SLC6A20: variants seen among roughly 807,000 people sequenced by gnomAD.
SLC6A20 encodes sodium- and chloride-dependent transporter XTRP3.
A neutral mutation model predicts 64.3 loss-of-function variants in SLC6A20; 73 were observed. The observed-to-expected ratio is 1.14, with a 90% CI of 0.94 to 1.38. The LOEUF is 1.38. SLC6A20 is among the 40% of genes most tolerant of loss of function. The probability of loss-of-function intolerance (pLI) is 0.00; values close to 1 mark genes in which losing one functional copy is unlikely to be tolerated. For missense variants in SLC6A20, 725 were observed against 772.8 expected (o/e 0.94, Z 0.73); for synonymous variants, 347 against 329.6 (o/e 1.05, Z -0.57).
chr3:45,778,340 G>A (rs995837232), intron 3 of SLC6A20, among the ~76,000 whole-genome samples: 2 of 152,212 alleles, frequency 1.3e-5, no homozygotes, highest in East Asian at 3.9e-4. Flanking sequence ...AAAGTGCTGG[G>A]ACCTATGTCT....
At chr3:45,777,387 C>T (rs990980272) in intron 3 of SLC6A20, among the ~76,000 whole-genome samples, 17 of 152,146 alleles carry the variant, frequency 1.1e-4, no homozygotes, top group African/African-American at 4.1e-4. Context: ...TGACCCATAT[C>T]GTGTTCAAAG....
At chr3:45,775,506 T>C (rs1699949843) in intron 4 of SLC6A20, among the ~76,000 whole-genome samples, 1 of 151,938 alleles carries the variant, frequency 6.6e-6, no homozygotes, top group South Asian at 2.1e-4. Context: ...CAGAAAAACT[T>C]TTTTTTTCTA....
chr3:45,768,556 C>A (rs541213910), intron 7 of SLC6A20, among the ~76,000 whole-genome samples: 17 of 152,040 alleles, frequency 1.1e-4, no homozygotes, highest in Middle Eastern at 3.4e-3. Flanking sequence ...GGGCTGGGGT[C>A]TGATGCCTGC....
chr3:45,782,150 C>G lies in SLC6A20; in HGVS notation c.195G>C (p.Val65=). The stretch of plus-strand genomic sequence containing the variant: ...TGCTGCCCTGCCGCATGCGCTGCCC[C>G]ACAGCCAGTTCCAGGTACAAGAGCG... ...GMPLLYLELA[V]GQRMRQGSIG... is the part of the protein sequence containing the mutation. Residue 65 remains valine (V), a synonymous_variant, in exon 2 of 11, where the codon GTG becomes GTC. Coordinates refer to ENST00000358525, the MANE Select transcript of SLC6A20 (RefSeq NM_020208.4). 1 of 1,613,858 alleles carries G rather than the reference C, an allele frequency of 6.2e-7. No individual in the cohort carries two copies. Among genetic ancestry groups the G allele is most frequent in the Non-Finnish European group, 8.5e-7 (1 of 1,179,920 alleles).
At chr3:45,787,477 C>A (rs990328426) in intron 1 of SLC6A20, among the ~76,000 whole-genome samples, 1 of 152,134 alleles carries the variant, frequency 6.6e-6, no homozygotes, top group African/African-American at 2.4e-5. Context: ...TTGGTGTCTG[C>A]CTCTCTACTA....
chr3:45,764,319 C>T (rs74579471), intron 8 of SLC6A20, among the ~76,000 whole-genome samples: 174 of 152,238 alleles, frequency 1.1e-3, no homozygotes, highest in African/African-American at 3.9e-3. Flanking sequence ...GATCGCTGCT[C>T]GAAACAACAT....
intron 7 of SLC6A20, among the ~76,000 whole-genome samples, chr3:45,769,511 T>C (rs1168893246): frequency 1.3e-5 from 2 of 150,436 alleles, no homozygotes; most frequent in Admixed American, 1.3e-4. Flanking sequence ...AGTAAGGGAA[T>C]GGATAAATAA....
At chr3:45,771,625 C>T (rs1699869996) in intron 5 of SLC6A20, 167 bp from the exon 6 acceptor site, 1 of 1,066,112 alleles carries the variant, frequency 9.4e-7, no homozygotes, top group African/African-American at 1.6e-5. Context: ...CATCCACTCC[C>T]TGGCAGATGA....
chr3:45,795,827 A>T (rs1164485106), intron 1 of SLC6A20, among the ~76,000 whole-genome samples: 2 of 152,340 alleles, frequency 1.3e-5, no homozygotes, highest in South Asian at 2.1e-4. Flanking sequence ...ATTTAAAGAA[A>T]TGGCTCAAGA....
rs1699768061 is a variant in SLC6A20 at position 45,765,812 on chromosome 3, A to G, written c.1099-71T>C. The G allele has an allele frequency of 1.9e-6, 3 of 1,543,246 alleles. No homozygotes were observed. The highest frequency in any genetic ancestry group is 8.9e-7 in the Non-Finnish European group (1 of 1,123,510). ...AGTCTTATTCACGCACTCAGTACTA[A>G]GCAACATGGGGGACCTTGGAAGTGG... On this transcript the variant is annotated intron_variant, in intron 7 of 10. Transcript: ENST00000358525. The surrounding 1 kb of genome is among the most constrained non-coding windows in gnomAD (Gnocchi z 4.2).
chr3:45,759,945 G>C lies in SLC6A20; in HGVS notation c.1541C>G (p.Pro514Arg). The C allele has an allele frequency of 6.2e-7, 1 of 1,614,162 alleles. No homozygotes were observed. Among genetic ancestry groups the C allele is most frequent in the Non-Finnish European group, 8.5e-7 (1 of 1,180,026 alleles). The change falls in exon 10 of 11, where the codon CCA (proline) becomes CGA (arginine). Residue 514 changes from proline (P) to arginine (R), a missense_variant. Pro to Arg is a moderately radical substitution (Grantham distance 103). Coordinates refer to ENST00000358525, the MANE Select transcript of SLC6A20 (RefSeq NM_020208.4). ...YWKVMWAGVSPLLIVSLFVFY... is the reference protein window; with the variant it reads ...YWKVMWAGVSRLLIVSLFVFY... Reference sequence around the variant, plus strand: ...GACAAAGAGGCTGACAATCAGCAGTGGGCTTACGCCAGCCCACATCACCTT... The same window carrying C: ...GACAAAGAGGCTGACAATCAGCAGTCGGCTTACGCCAGCCCACATCACCTT...
In SLC6A20 at chr3:45,796,252, G is replaced by T. The variant is rs769555588; in HGVS notation, c.121+47C>A. ...TAACCCCGGCTCGCACACACGGCGG[G>T]GACGCGCACAGAGTTGGGCTGGGGC... is the stretch of plus-strand genomic sequence containing the variant. On this transcript the variant is annotated intron_variant, in intron 1 of 10. Coordinates refer to ENST00000358525, the MANE Select transcript of SLC6A20 (RefSeq NM_020208.4). The T allele has an allele frequency of 9.0e-6, 14 of 1,562,854 alleles. No homozygotes were observed. In the South Asian group the frequency reaches 1.5e-4, roughly 17 times the overall value.
At chr3:45,787,728 A>C (rs1294684224) in intron 1 of SLC6A20, among the ~76,000 whole-genome samples, 1 of 151,842 alleles carries the variant, frequency 6.6e-6, no homozygotes, top group African/African-American at 2.4e-5. Flanking sequence ...CTCTGTCCAC[A>C]CCTCCAACTC....
At chr3:45,760,320 G>A (rs1047222170) in intron 9 of SLC6A20, among the ~76,000 whole-genome samples, 1 of 152,236 alleles carries the variant, frequency 6.6e-6, no homozygotes, top group Non-Finnish European at 1.5e-5. Flanking sequence ...ATAGCCCAGA[G>A]GGCAGCCTCC....
chr3:45,787,403 C>A (rs115489213), intron 1 of SLC6A20, among the ~76,000 whole-genome samples: 282 of 152,238 alleles, frequency 1.9e-3, no homozygotes, highest in African/African-American at 6.6e-3. Context: ...GGACTCCTTA[C>A]CCTGCTTGAT....
At chr3:45,766,469 A>T (rs1243319378) in intron 7 of SLC6A20, among the ~76,000 whole-genome samples, 1 of 152,246 alleles carries the variant, frequency 6.6e-6, no homozygotes, top group African/African-American at 2.4e-5. Flanking sequence ...GTGAAGAACT[A>T]GCAAGATAAG....
At chr3:45,773,940 GGGCACTAAGCA>G (rs1699921285) in intron 4 of SLC6A20, among the ~76,000 whole-genome samples, 1 of 152,236 alleles carries the variant, frequency 6.6e-6, no homozygotes, top group Non-Finnish European at 1.5e-5. Flanking sequence ...CCATCACAAT[GGGCACTAAGCA>G]GGCCCTTAGG....
intron 1 of SLC6A20, among the ~76,000 whole-genome samples, chr3:45,787,002 C>T (rs1409215105): frequency 6.6e-6 from 1 of 152,228 alleles, no homozygotes; most frequent in Non-Finnish European, 1.5e-5. Flanking sequence ...CACTGCACCG[C>T]CCTCCAGGCA....
rs768506905 is a variant in SLC6A20, at chr3:45,771,441, G to A, written c.711C>T (p.Asn237=). ...TGGCTGCATTGATCCAGGCCTTGGG[G>A]TTGGCCAGCTGCTCTATCTGGAAGG... ...MFTPKIEQLA[N]PKAWINAATQ... The change falls in exon 6 of 11, where the codon AAC becomes AAT. Residue 237 remains asparagine, a synonymous_variant. Coordinates refer to ENST00000358525, the MANE Select transcript of SLC6A20 (RefSeq NM_020208.4). The A allele has an allele frequency of 5.6e-6, 9 of 1,614,230 alleles. No homozygotes were observed. The South Asian group carries it at 9.9e-5, about 18-fold the overall frequency.
Sources: gnomAD v4.1 joint callset for allele counts (sites outside exome capture counted in the v4.1 genomes callset) on GRCh38, gnomAD v4.1.1 for gene constraint, Gnocchi (gnomAD v3.1) non-coding constraint, MANE v1.5 for transcripts, NCBI Gene and HGNC (gene_info 2026-07-23, HGNC 2026-07-21) for gene names.